Variants in KCNAB1 observed in about 807,000 individuals in gnomAD.
KCNAB1 encodes the protein voltage-gated potassium channel subunit beta-1.
KCNAB1 carries 35 observed loss-of-function variants against 64.6 expected under a neutral mutation model. That is an observed-to-expected ratio of 0.54 (90% CI 0.41 to 0.72). KCNAB1 has a LOEUF of 0.72. Among genes scored for constraint, KCNAB1 ranks in the 30% least tolerant of loss-of-function variants. KCNAB1 has a pLI of 0.00. For synonymous variants in KCNAB1, 177 were observed against 183.8 expected (o/e 0.96, Z 0.30); for missense variants, 401 against 512.9 (o/e 0.78, Z 2.11).
chr3:156,154,375 C>T (rs1715595106), intron 1 of KCNAB1, among the ~76,000 whole-genome samples: 1 of 152,142 alleles, frequency 6.6e-6, no homozygotes, highest in East Asian at 1.9e-4. Context: ...TTACTCTTTT[C>T]CTCATTTCGC....
At chr3:156,311,002 T>A (rs1369292090) in intron 1 of KCNAB1, among the ~76,000 whole-genome samples, 1 of 152,044 alleles carries the variant, frequency 6.6e-6, no homozygotes, top group Non-Finnish European at 1.5e-5. Context: ...TTCATTTTCT[T>A]GGATCAACAC....
At chr3:156,346,056 A>C (rs912535222) in intron 1 of KCNAB1, among the ~76,000 whole-genome samples, 5 of 151,912 alleles carry the variant, frequency 3.3e-5, no homozygotes, top group Non-Finnish European at 7.4e-5. Context: ...ATTCATGGCT[A>C]TCATGGTCTG....
upstream of KCNAB1, among the ~76,000 whole-genome samples, chr3:156,120,188 A>G (rs532813638): frequency 1.3e-5 from 2 of 152,360 alleles, no homozygotes; most frequent in East Asian, 3.9e-4. Context: ...AAGGGACTCT[A>G]ATCAGGAATG....
intron 13 of KCNAB1, among the ~76,000 whole-genome samples, chr3:156,534,837 T>C (rs1427082386): frequency 1.3e-5 from 2 of 152,220 alleles, no homozygotes; most frequent in African/African-American, 4.8e-5. Context: ...TAGTTTACAA[T>C]GTTTCAAAGT....
At chr3:156,513,910 C>G (rs1420641860) in intron 8 of KCNAB1, among the ~76,000 whole-genome samples, 1 of 152,188 alleles carries the variant, frequency 6.6e-6, no homozygotes, top group African/African-American at 2.4e-5. Context: ...TGTGTGAGGT[C>G]CAGCTCTGCA....
At chr3:156,210,714 G>A (rs1366050035) in intron 1 of KCNAB1, among the ~76,000 whole-genome samples, 1 of 152,190 alleles carries the variant, frequency 6.6e-6, no homozygotes. Flanking sequence ...TTTGATCCCA[G>A]ACCCTGGGCT....
chr3:156,477,593 A>C (rs373649467), intron 8 of KCNAB1, among the ~76,000 whole-genome samples: 5 of 152,250 alleles, frequency 3.3e-5, no homozygotes, highest in African/African-American at 1.2e-4. Context: ...TTCCAGATTG[A>C]AATAGCTTCC....
At chr3:156,381,388 TGAG>T (rs1206803065) in intron 1 of KCNAB1, among the ~76,000 whole-genome samples, 1 of 152,050 alleles carries the variant, frequency 6.6e-6, no homozygotes, top group Non-Finnish European at 1.5e-5. Context: ...CTGGTGATAA[TGAG>T]GAGATTAGGA....
At chr3:156,469,324 T>A (rs1713698244) in intron 7 of KCNAB1, among the ~76,000 whole-genome samples, 1 of 141,156 alleles carries the variant, frequency 7.1e-6, no homozygotes, top group Non-Finnish European at 1.5e-5. Context: ...TGGCACGATC[T>A]CGGCTCACTG....
intron 1 of KCNAB1, among the ~76,000 whole-genome samples, chr3:156,156,491 C>T (rs564897662): frequency 6.6e-6 from 1 of 152,242 alleles, no homozygotes; most frequent in African/African-American, 2.4e-5. Context: ...GAGGTAACAG[C>T]AGCTTAAACC....
chr3:156,125,828 C>A (rs1713621971), intron 1 of KCNAB1, among the ~76,000 whole-genome samples: 1 of 152,112 alleles, frequency 6.6e-6, no homozygotes, highest in Admixed American at 6.6e-5. Flanking sequence ...AGCAGGAGAT[C>A]CAAGAGCTTA....
intron 1 of KCNAB1, among the ~76,000 whole-genome samples, chr3:156,383,103 G>C (rs1345653962): frequency 6.6e-6 from 1 of 152,214 alleles, no homozygotes; most frequent in South Asian, 2.1e-4. Flanking sequence ...GCCCTTGTCA[G>C]GTCTTTCTGA....
intron 1 of KCNAB1, among the ~76,000 whole-genome samples, chr3:156,335,088 A>G (rs1723595657): frequency 6.6e-6 from 1 of 152,224 alleles, no homozygotes; most frequent in African/African-American, 2.4e-5. Context: ...TTTGCATGAC[A>G]GACAGTGCCC....
chr3:156,254,434 T>C (rs1717987999), intron 1 of KCNAB1, among the ~76,000 whole-genome samples: 5 of 152,222 alleles, frequency 3.3e-5, no homozygotes, highest in African/African-American at 1.2e-4. Context: ...TAGGCTTATA[T>C]GTCACTCAGC....
In KCNAB1 at chr3:156,126,998, T is replaced by G. The variant is rs1242700204; in HGVS notation, c.275+6112T>G. Among the ~76,000 whole-genome samples, 2 of 152,184 alleles carry G rather than the reference T, an allele frequency of 1.3e-5. 1 individual carries two copies. Among genetic ancestry groups the G allele is most frequent in the Admixed American group, 1.3e-4 (2 of 15,276 alleles). ...GTAGGGATGCCTCTCTTTTCTGGAGTGTACTCACACTGATACTGTAAATGG... is the reference window on the plus strand; with the variant it reads ...GTAGGGATGCCTCTCTTTTCTGGAGGGTACTCACACTGATACTGTAAATGG... On this transcript the variant is annotated intron_variant, in intron 1 of 13. Transcript: ENST00000490337.
At chr3:156,157,480 T>C (rs1478124631) in intron 1 of KCNAB1, among the ~76,000 whole-genome samples, 4 of 152,228 alleles carry the variant, frequency 2.6e-5, no homozygotes, top group Admixed American at 6.5e-5. Context: ...TGCCCCCTGA[T>C]TGAGAGTAGA....
At chr3:156,424,800 G>GTC (rs1259051540) in intron 2 of KCNAB1, among the ~76,000 whole-genome samples, 2 of 152,090 alleles carry the variant, frequency 1.3e-5, no homozygotes, top group East Asian at 3.8e-4. Context: ...ATGAGGTGCA[G>GTC]GCATTTTAGT....
At chr3:156,264,663 T>G (rs1455463944) in intron 1 of KCNAB1, among the ~76,000 whole-genome samples, 1 of 152,120 alleles carries the variant, frequency 6.6e-6, no homozygotes, top group Admixed American at 6.5e-5. Context: ...CATTCATTCC[T>G]TATCCTTTGT....
At chr3:156,499,186 A>G (rs1716210784) in intron 8 of KCNAB1, among the ~76,000 whole-genome samples, 1 of 152,218 alleles carries the variant, frequency 6.6e-6, no homozygotes, top group Non-Finnish European at 1.5e-5. Context: ...TCCTGCTCAA[A>G]CAAAGGCAAT....
Sources: allele counts gnomAD v4.1 joint callset (sites outside exome capture counted in the v4.1 genomes callset), GRCh38; gene constraint gnomAD v4.1.1; transcripts MANE v1.5; gene names NCBI Gene and HGNC (gene_info 2026-07-23, HGNC 2026-07-21).